The following ARHGEF17 variants were observed in gnomAD, a reference collection of about 807,000 sequenced individuals.
ARHGEF17 encodes 164 kDa Rho-specific guanine-nucleotide exchange factor.
A neutral mutation model predicts 174.0 loss-of-function variants in ARHGEF17; 80 were observed. That is an observed-to-expected ratio of 0.46 (90% CI 0.38 to 0.55). The LOEUF is 0.55. ARHGEF17 is among the 20% of genes least tolerant of loss of function. The probability of loss-of-function intolerance (pLI) is 0.00; values close to 1 mark genes in which losing one functional copy is unlikely to be tolerated. For synonymous variants in ARHGEF17, 1,311 were observed against 1,189.1 expected (o/e 1.10, Z -2.11); for missense variants, 2,886 against 2,839.7 (o/e 1.02, Z -0.37).
intron 2 of ARHGEF17, among the ~76,000 whole-genome samples, chr11:73,351,597 G>A (rs550065543): frequency 8.4e-4 from 128 of 152,056 alleles, no homozygotes; most frequent in Non-Finnish European, 1.6e-3. Context: ...CACCATTATC[G>A]CCTTATTTAT....
At chr11:73,358,651 A>G (rs1865686554) in intron 9 of ARHGEF17, among the ~76,000 whole-genome samples, 1 of 150,364 alleles carries the variant, frequency 6.7e-6, no homozygotes, top group Non-Finnish European at 1.5e-5. Flanking sequence ...ATTTTAGTAG[A>G]GATGGGGTTT....
At chr11:73,326,593 G>A (rs117696774) in intron 1 of ARHGEF17, among the ~76,000 whole-genome samples, 10,791 of 152,170 alleles carry the variant, frequency 0.071, 463 homozygotes, top group Non-Finnish European at 0.1. Context: ...GGTGGCATAC[G>A]CCTGTAATTC....
chr11:73,308,851 G>C lies in ARHGEF17; in HGVS notation c.213G>C (p.Gln71His). The C allele has an allele frequency of 7.5e-7, 1 of 1,341,160 alleles. No individual in the cohort carries two copies. Among genetic ancestry groups the C allele is most frequent in the South Asian group, 1.9e-5 (1 of 51,678 alleles). The allele number at this position is 1,341,160 out of a possible 1,614,324, so 83.1% of individuals were successfully genotyped here. The change falls in exon 1 of 21, where the codon CAG (glutamine) becomes CAC (histidine). Residue 71 changes from glutamine (Q) to histidine (H), a missense_variant. Physicochemically the swap from Gln to His is conservative, Grantham distance 24. This residue lies in a region of ARHGEF17 where 1,728 missense variants were observed against 1,461.2 expected (regional missense o/e 1.18). Transcript: ENST00000263674. ...CTGGGCCCCTGGCCGCCCCCGCGCAGCCGCGCCCGCTCCGCAGCCTCTCGC... is the reference window on the plus strand; with the variant it reads ...CTGGGCCCCTGGCCGCCCCCGCGCACCCGCGCCCGCTCCGCAGCCTCTCGC... ...LASGPLAAPAQPRPLRSLSPS... is the reference protein window; with the variant it reads ...LASGPLAAPAHPRPLRSLSPS...
intron 1 of ARHGEF17, among the ~76,000 whole-genome samples, chr11:73,319,633 G>T (rs889708819): frequency 2.6e-5 from 4 of 152,202 alleles, no homozygotes; most frequent in African/African-American, 7.2e-5. Flanking sequence ...CAGAACCTTC[G>T]AACTCAGGCC....
At chr11:73,349,578 T>C (rs1865519996) in intron 2 of ARHGEF17, among the ~76,000 whole-genome samples, 1 of 152,132 alleles carries the variant, frequency 6.6e-6, no homozygotes, top group Non-Finnish European at 1.5e-5. Flanking sequence ...ATCCTGCCAC[T>C]GCACTCCAGC....
chr11:73,363,721 T>C (rs1335876732), intron 15 of ARHGEF17, 26 bp from the exon 16 acceptor site: 2 of 1,613,278 alleles, frequency 1.2e-6, no homozygotes, highest in Middle Eastern at 1.6e-4. Flanking sequence ...CAAGCATTTG[T>C]CCCAGGTGCA....
chr11:73,323,720 C>A (rs955844861), intron 1 of ARHGEF17, among the ~76,000 whole-genome samples: 1 of 152,254 alleles, frequency 6.6e-6, no homozygotes, highest in Non-Finnish European at 1.5e-5. Context: ...TGAGGAATTT[C>A]CGAGGGAATG....
intron 9 of ARHGEF17, 72 bp from the exon 10 acceptor site, chr11:73,359,762 G>A: frequency 7.7e-7 from 1 of 1,290,870 alleles, no homozygotes; most frequent in Non-Finnish European, 1.1e-6. Flanking sequence ...ATGCAGTGAG[G>A]GAAGGAGAGT....
At position 73,310,534 on chromosome 11, in the gene ARHGEF17, C is replaced by G. The variant is rs867371892; in HGVS notation, c.1896C>G (p.Ser632=). The G allele has an allele frequency of 6.2e-7, 1 of 1,613,886 alleles. No individual in the cohort carries two copies. Among genetic ancestry groups the G allele is most frequent in the Non-Finnish European group, 8.5e-7 (1 of 1,180,040 alleles). ...WAGDVTRGQR[S]QEELSGPESS... ...GGGATGTGACCCGAGGGCAGCGGTC[C>G]CAGGAGGAGCTCTCAGGCCCTGAGT... is the stretch of plus-strand genomic sequence containing the variant. The change falls in exon 1 of 21, where the codon TCC becomes TCG. Residue 632 remains serine, a synonymous_variant. Coordinates refer to ENST00000263674, the MANE Select transcript of ARHGEF17 (RefSeq NM_014786.4).
intron 1 of ARHGEF17, among the ~76,000 whole-genome samples, chr11:73,329,653 G>A (rs1352475851): frequency 2.0e-5 from 3 of 151,954 alleles, no homozygotes; most frequent in Non-Finnish European, 4.4e-5. Context: ...GCCTGCCTCA[G>A]CCTCCCAAAG....
chr11:73,342,578 C>T (rs547072369), intron 1 of ARHGEF17, among the ~76,000 whole-genome samples: 19 of 152,210 alleles, frequency 1.2e-4, no homozygotes, highest in African/African-American at 4.3e-4. Context: ...CATACGGGTC[C>T]AGGCCTGAGG....
intron 1 of ARHGEF17, chr11:73,342,776 G>C (rs990890642): frequency 2.6e-5 from 4 of 152,230 alleles, no homozygotes; most frequent in African/African-American, 9.7e-5. Flanking sequence ...CTGGGGCGGG[G>C]GATGGGTCCG....
chr11:73,337,183 T>C (rs931979931), intron 1 of ARHGEF17, among the ~76,000 whole-genome samples: 2 of 152,158 alleles, frequency 1.3e-5, no homozygotes, highest in African/African-American at 2.4e-5. Flanking sequence ...CCCAGCACTT[T>C]GGGAGGCCGA....
At chr11:73,345,358 A>G (rs568642663) in intron 1 of ARHGEF17, among the ~76,000 whole-genome samples, 271 of 152,234 alleles carry the variant, frequency 1.8e-3, no homozygotes, top group African/African-American at 6.2e-3. Context: ...CCCTGCCCCA[A>G]GGGGTGTCCT....
chr11:73,312,474 T>G (rs981509586), intron 1 of ARHGEF17, among the ~76,000 whole-genome samples: 2 of 152,142 alleles, frequency 1.3e-5, no homozygotes, highest in Non-Finnish European at 2.9e-5. Flanking sequence ...TCAGGGGAGA[T>G]AGGTGGACAA....
rs770633103 is a variant in ARHGEF17, at chr11:73,365,580, T to G, written c.5725+16T>G. The G allele has an allele frequency of 7.4e-6, 12 of 1,613,436 alleles. No homozygotes were observed. The East Asian group carries it at 2.7e-4, about 36-fold the overall frequency. On this transcript the variant is annotated intron_variant, in intron 19 of 20. Coordinates refer to ENST00000263674, the MANE Select transcript of ARHGEF17 (RefSeq NM_014786.4). The surrounding 1 kb of genome is among the most constrained non-coding windows in gnomAD (Gnocchi z 4.9). ...ATGCTGGCAGGTACTGACCTCAAAC[T>G]ACCACAGCACCCTCCTTGGAGCCTT... is the stretch of plus-strand genomic sequence containing the variant.
intron 2 of ARHGEF17, among the ~76,000 whole-genome samples, chr11:73,351,683 G>T (rs957081230): frequency 6.6e-6 from 1 of 152,058 alleles, no homozygotes; most frequent in Non-Finnish European, 1.5e-5. Flanking sequence ...CCAGGTTCAA[G>T]CAATTCTTCT....
intron 1 of ARHGEF17, among the ~76,000 whole-genome samples, chr11:73,312,047 T>C (rs1864848018): frequency 1.3e-5 from 2 of 152,232 alleles, no homozygotes; most frequent in Admixed American, 6.5e-5. Flanking sequence ...CTGCTGGTGC[T>C]AATGGCAAAG....
intron 20 of ARHGEF17, 143 bp downstream of exon 20, chr11:73,366,090 C>G (rs1368207144): frequency 2.5e-5 from 28 of 1,111,668 alleles, no homozygotes; most frequent in Non-Finnish European, 3.5e-5. Context: ...AAATACACCA[C>G]GGAAGTGTCC....
Sources: gnomAD v4.1 joint callset for allele counts (sites outside exome capture counted in the v4.1 genomes callset) on GRCh38, gnomAD v4.1.1 for gene constraint, gnomAD v4.1.1 regional missense constraint, Gnocchi (gnomAD v3.1) non-coding constraint, MANE v1.5 for transcripts, NCBI Gene and HGNC (gene_info 2026-07-23, HGNC 2026-07-21) for gene names.